The following PDLIM5 variants were observed in gnomAD, a reference collection of about 807,000 sequenced individuals.
PDLIM5 encodes the protein PDZ and LIM domain protein 5.
A neutral mutation model predicts 64.2 loss-of-function variants in PDLIM5; 34 were observed. That is an observed-to-expected ratio of 0.53 (90% CI 0.40 to 0.71). The LOEUF is 0.71. Among genes scored for constraint, PDLIM5 ranks in the 30% least tolerant of loss-of-function variants. The pLI is 0.00. For missense variants in PDLIM5, 683 were observed against 733.6 expected, an observed-to-expected ratio of 0.93 and a Z score of 0.80; for synonymous variants, 253 against 269.1, an observed-to-expected ratio of 0.94 and a Z score of 0.59.
chr4:94,608,799 A>T (rs1738133402), intron 7 of PDLIM5, among the ~76,000 whole-genome samples: 1 of 152,184 alleles, frequency 6.6e-6, no homozygotes, highest in Non-Finnish European at 1.5e-5. Context: ...TCAGAAGTGG[A>T]ATCACATGAT....
rs558461438 is a variant in PDLIM5, at chr4:94,473,522, A to G, written c.96+18138A>G. ...TGATCCACCCGCCTTGGCCTCCCACAGTGCTGGGATTACAGGCATGAGCCA... is the reference window on the plus strand; with the variant it reads ...TGATCCACCCGCCTTGGCCTCCCACGGTGCTGGGATTACAGGCATGAGCCA... On this transcript the variant is annotated intron_variant, in intron 2 of 12. Transcript: ENST00000317968. Among the ~76,000 whole-genome samples the G allele has an allele frequency of 5.9e-5, 9 of 152,344 alleles. No individual in the cohort carries two copies. The East Asian group carries it at 9.7e-4, about 16-fold the overall frequency.
intron 2 of PDLIM5, among the ~76,000 whole-genome samples, chr4:94,478,888 G>GGGT (rs1725571927): frequency 9.2e-6 from 1 of 108,512 alleles, no homozygotes; most frequent in African/African-American, 5.1e-5. Context: ...GGTGTGCTTG[G>GGGT]TGTTTTTTTT....
At chr4:94,611,519 T>C (rs1738365363) in intron 7 of PDLIM5, among the ~76,000 whole-genome samples, 1 of 152,226 alleles carries the variant, frequency 6.6e-6, no homozygotes, top group Non-Finnish European at 1.5e-5. Flanking sequence ...TATAGCTATA[T>C]TAGAATCCTC....
At chr4:94,643,508 T>A (rs1741166563) in intron 9 of PDLIM5, among the ~76,000 whole-genome samples, 1 of 152,178 alleles carries the variant, frequency 6.6e-6, no homozygotes, top group Non-Finnish European at 1.5e-5. Flanking sequence ...TTGAACATTC[T>A]AGTTTATTTC....
At chr4:94,605,025 C>G (rs1165103067) in intron 7 of PDLIM5, among the ~76,000 whole-genome samples, 5 of 152,214 alleles carry the variant, frequency 3.3e-5, no homozygotes, top group Non-Finnish European at 4.4e-5. Context: ...ATTTCAGAGT[C>G]TGGCTGGTAA....
intron 2 of PDLIM5, among the ~76,000 whole-genome samples, chr4:94,481,887 G>C (rs538579258): frequency 1.3e-5 from 2 of 152,292 alleles, no homozygotes; most frequent in Admixed American, 1.3e-4. Context: ...TGGATTACAG[G>C]TGTGAGCCAC....
chr4:94,493,435 C>T (rs961666822), intron 2 of PDLIM5, among the ~76,000 whole-genome samples: 6 of 151,928 alleles, frequency 3.9e-5, no homozygotes, highest in South Asian at 2.1e-4. Flanking sequence ...CTCAGCCTGC[C>T]GAGTAGCTGG....
chr4:94,465,225 A>G (rs1404823738), intron 2 of PDLIM5, among the ~76,000 whole-genome samples: 1 of 152,138 alleles, frequency 6.6e-6, no homozygotes, highest in African/African-American at 2.4e-5. Flanking sequence ...ATGTTTGACT[A>G]TTCCAGTTCA....
At position 94,523,803 on chromosome 4, in the gene PDLIM5, A is replaced by C; in HGVS notation, c.176A>C (p.Gln59Pro). The C allele has an allele frequency of 1.2e-6, 2 of 1,612,290 alleles. No homozygotes were observed. The highest frequency in any genetic ancestry group is 1.7e-6 in the Non-Finnish European group (2 of 1,178,326). Residue 59 changes from glutamine (Q) to proline (P), a missense_variant, in exon 3 of 13, where the codon CAA becomes CCA. Physicochemically the swap from Gln to Pro is moderately conservative, Grantham distance 76. Transcript: ENST00000317968. ...VVLSIDGINA[Q>P]GMTHLEAQNK... ...CTCAGCATTGATGGAATAAATGCAC[A>C]AGGAATGACTCATCTTGAAGCCCAG...
intron 3 of PDLIM5, among the ~76,000 whole-genome samples, chr4:94,564,246 G>A (rs1734096786): frequency 6.6e-6 from 1 of 152,240 alleles, no homozygotes; most frequent in East Asian, 1.9e-4. Flanking sequence ...ACAAGCATGA[G>A]CCATCGTGCC....
intron 2 of PDLIM5, among the ~76,000 whole-genome samples, chr4:94,522,255 G>A (rs1422726494): frequency 6.6e-6 from 1 of 152,198 alleles, no homozygotes; most frequent in Non-Finnish European, 1.5e-5. Flanking sequence ...CCCAGAGAAA[G>A]TGGCGTATAG....
At chr4:94,547,205 C>T (rs1191397414) in intron 3 of PDLIM5, among the ~76,000 whole-genome samples, 1 of 152,102 alleles carries the variant, frequency 6.6e-6, no homozygotes, top group Non-Finnish European at 1.5e-5. Context: ...AACTGCACCC[C>T]CAACCCCCCA....
intron 2 of PDLIM5, among the ~76,000 whole-genome samples, chr4:94,464,450 A>G (rs1724166700): frequency 6.6e-6 from 1 of 152,206 alleles, no homozygotes; most frequent in African/African-American, 2.4e-5. Flanking sequence ...TGGTAGAATT[A>G]AGAGATTTAG....
chr4:94,652,230 A>C (rs1296795600), intron 9 of PDLIM5, among the ~76,000 whole-genome samples: 1 of 152,228 alleles, frequency 6.6e-6, no homozygotes. Context: ...GCCAAATAAG[A>C]ATACTAGCCT....
chr4:94,587,695 G>A lies in PDLIM5; in HGVS notation c.920+1251G>A, dbSNP rs970568887. On this transcript the variant is annotated intron_variant, in intron 7 of 12. Transcript: ENST00000317968. Reference sequence around the variant, plus strand: ...AGGTCCAGATTTGGCTCCTGAAAAAGGAAAGAAGAGAATTTTACCCCTATT... The same window carrying A: ...AGGTCCAGATTTGGCTCCTGAAAAAAGAAAGAAGAGAATTTTACCCCTATT... 8.1e-6 allele frequency: 8 copies of A among 984,568 alleles called. No homozygotes were observed. The East Asian group carries it at 9.1e-4, about 112-fold the overall frequency. 61.0% of individuals were successfully genotyped at this position (984,568 alleles called of 1,614,324 possible).
At chr4:94,486,845 G>T (rs567078999) in intron 2 of PDLIM5, among the ~76,000 whole-genome samples, 1 of 152,074 alleles carries the variant, frequency 6.6e-6, no homozygotes, top group Admixed American at 6.6e-5. Context: ...CTACAAAAAA[G>T]TTAAAAAATT....
intron 12 of PDLIM5, among the ~76,000 whole-genome samples, 189 bp downstream of exon 12, chr4:94,662,726 A>G (rs1161017536): frequency 1.3e-5 from 2 of 152,066 alleles, no homozygotes; most frequent in African/African-American, 2.4e-5. Flanking sequence ...TTTGGCACAC[A>G]GTGAGATCCT....
intron 3 of PDLIM5, among the ~76,000 whole-genome samples, chr4:94,562,805 G>A (rs1560704920): frequency 2.6e-5 from 4 of 152,232 alleles, no homozygotes; most frequent in South Asian, 2.1e-4. Flanking sequence ...TAGACATAAT[G>A]TGTTGCTAAT....
intron 2 of PDLIM5, among the ~76,000 whole-genome samples, chr4:94,485,021 A>G (rs1170219540): frequency 1.3e-5 from 2 of 152,132 alleles, no homozygotes; most frequent in African/African-American, 2.4e-5. Flanking sequence ...AAGAGAGTGT[A>G]GGTGGGTATG....
Sources: allele counts gnomAD v4.1 joint callset (sites outside exome capture counted in the v4.1 genomes callset), GRCh38; gene constraint gnomAD v4.1.1; transcripts MANE v1.5; gene names NCBI Gene and HGNC (gene_info 2026-07-23, HGNC 2026-07-21).